TPM1: variants seen among roughly 807,000 people sequenced by gnomAD.
TPM1 encodes tropomyosin 1.
Under a neutral mutation model 42.9 loss-of-function variants are expected in TPM1, and 24 were observed. That is an observed-to-expected ratio of 0.56 (90% CI 0.41 to 0.79). The LOEUF (loss-of-function observed/expected upper bound fraction) is 0.79. Among genes scored for constraint, TPM1 ranks in the 30% least tolerant of loss-of-function variants. TPM1 has a pLI of 0.00. For synonymous variants in TPM1, 136 were observed against 130.1 expected (o/e 1.05, Z -0.31); for missense variants, 158 against 351.8 (o/e 0.45, Z 4.41).
At chr15:63,043,989 AC>A (rs1237764951) in intron 1 of TPM1, 37 bp from the exon 2 acceptor site, 6 of 1,603,984 alleles carry the variant, frequency 3.7e-6, no homozygotes, top group South Asian at 2.2e-5. Flanking sequence ...TGCCTGCTGC[AC>A]CCCCCTCCCT....
chr15:63,059,354 GTTCA>G (rs1451415629), intron 3 of TPM1, among the ~76,000 whole-genome samples: 1 of 152,226 alleles, frequency 6.6e-6, no homozygotes, highest in Non-Finnish European at 1.5e-5. Flanking sequence ...AAGTGAGAGA[GTTCA>G]TTCACAGTGA....
At position 63,064,050 on chromosome 15, in the gene TPM1, C is replaced by T. The variant is rs370544664; in HGVS notation, c.773-14C>T. The T allele has an allele frequency of 6.2e-7, 1 of 1,613,792 alleles. No homozygotes were observed. The highest frequency in any genetic ancestry group is 8.5e-7 in the Non-Finnish European group (1 of 1,180,006). On this transcript the variant is annotated splice_polypyrimidine_tract_variant and intron_variant, in intron 8 of 9. Coordinates refer to ENST00000403994, the MANE Select transcript of TPM1 (RefSeq NM_001018005.2). ...CATGTTCTTGCACCTCTGCCTTCCACTTCCTGGTCATAGACGAGCTGTACG... is the reference window on the plus strand; with the variant it reads ...CATGTTCTTGCACCTCTGCCTTCCATTTCCTGGTCATAGACGAGCTGTACG...
chr15:63,048,999 G>A lies in TPM1; in HGVS notation c.240+4847G>A, dbSNP rs79429774. 430 of 422,908 alleles carry A rather than the reference G, an allele frequency of 1.0e-3. 2 individuals carry two copies. Among genetic ancestry groups the A allele is most frequent in the African/African-American group, 8.6e-3 (399 of 46,656 alleles). The allele number at this position is 422,908 out of a possible 1,614,324, so 26.2% of individuals were successfully genotyped here. On this transcript the variant is annotated intron_variant, in intron 2 of 9. Coordinates refer to ENST00000403994, the MANE Select transcript of TPM1 (RefSeq NM_001018005.2). ...TTTCCCAGGAAGGGTCTGTTTCTGG[G>A]GTGGTGGCTTTCAGTCGTGTCTGTG...
At chr15:63,052,614 T>C (rs2034110763) in intron 2 of TPM1, among the ~76,000 whole-genome samples, 1 of 152,154 alleles carries the variant, frequency 6.6e-6, no homozygotes, top group Admixed American at 6.5e-5. Flanking sequence ...GTCTTGACCC[T>C]CCCCAAATGC....
intron 2 of TPM1, among the ~76,000 whole-genome samples, chr15:63,055,027 T>A (rs191323801): frequency 4.1e-5 from 6 of 147,934 alleles, no homozygotes; most frequent in East Asian, 3.9e-4. Flanking sequence ...GTAATAGTAA[T>A]AAAAAAAAAA....
chr15:63,046,260 G>A (rs1167891806), intron 2 of TPM1: 3 of 152,124 alleles, frequency 2.0e-5, no homozygotes, highest in East Asian at 3.8e-4. Flanking sequence ...GCCCCTCATT[G>A]ACCAAAACAT....
At chr15:63,056,953 C>A in intron 2 of TPM1, 32 bp from the exon 3 acceptor site, 1 of 1,613,880 alleles carries the variant, frequency 6.2e-7, no homozygotes, top group Non-Finnish European at 8.5e-7. Context: ...ACTTTCTCCC[C>A]AACTCTGAAA....
chr15:63,044,449 C>G, intron 2 of TPM1: 5 of 594,932 alleles, frequency 8.4e-6, no homozygotes, highest in Non-Finnish European at 1.5e-5. Context: ...TGAACTTCAC[C>G]TCCCTGGTGG....
rs371273491 is a variant in TPM1, at chr15:63,065,215, A to G, written c.852-681A>G. 17 of 986,156 alleles carry G rather than the reference A, an allele frequency of 1.7e-5. No homozygotes were observed. The African/African-American group carries it at 2.8e-4, about 16-fold the overall frequency. The allele number at this position is 986,156 out of a possible 1,614,324, so 61.1% of individuals were successfully genotyped here. On this transcript the variant is annotated intron_variant, in intron 9 of 9. Transcript: ENST00000403994. ...CATGAGAAGAACCTTGAACAGATAC[A>G]ACTAATTTACATATTACTAACCAAA...
chr15:63,043,620 C>T, intron 1 of TPM1: 2 of 1,529,900 alleles, frequency 1.3e-6, no homozygotes, highest in East Asian at 2.4e-5. Context: ...GCCCGAGGGG[C>T]CCCAGCCAAC....
intron 2 of TPM1, among the ~76,000 whole-genome samples, chr15:63,053,936 C>T (rs952945875): frequency 2.0e-5 from 3 of 152,056 alleles, no homozygotes; most frequent in African/African-American, 7.2e-5. Flanking sequence ...GCCTCGGCCT[C>T]CCAAAGTGCT....
At chr15:63,062,057 C>G (rs2035708058) in intron 6 of TPM1, 158 bp from the exon 7 acceptor site, 1 of 734,934 alleles carries the variant, frequency 1.4e-6, no homozygotes, top group Non-Finnish European at 2.4e-6. Flanking sequence ...GGCAAGAAAG[C>G]AGAGAATGTA....
intron 4 of TPM1, chr15:63,059,971 T>C (rs1596374078): frequency 2.2e-5 from 8 of 356,048 alleles, no homozygotes; most frequent in South Asian, 1.7e-4. Flanking sequence ...GAAGGGAGAG[T>C]TGGGCCCTGT....
rs550511038 is a variant in TPM1 at position 63,048,783 on chromosome 15, TCC to T, written c.240+4638_240+4639del. 4.7e-6 allele frequency: 7 copies of T among 1,481,336 alleles called. No individual in the cohort carries two copies. The South Asian group carries it at 7.5e-5, about 16-fold the overall frequency. 91.8% of individuals were successfully genotyped at this position (1,481,336 alleles called of 1,614,324 possible). On this transcript the variant is annotated intron_variant, in intron 2 of 9. Transcript: ENST00000403994. The stretch of plus-strand genomic sequence containing the variant: ...GGCAGCCCCGCAGGGCCCTCCTGCT[TCC>T]CCCCCCGCAGGCCCCGGTCCCTCGT...
rs757080224 is a variant in TPM1, at chr15:63,065,930, C to T, written c.*31C>T. ...TTTGCTTCACTTCTCCCAAGACTCC[C>T]TCGTCGAGCTGGATGTCCCACCTCT... On this transcript the variant is annotated 3_prime_UTR_variant, in exon 10 of 10. Coordinates refer to ENST00000403994, the MANE Select transcript of TPM1 (RefSeq NM_001018005.2). 4 of 1,609,740 alleles carry T rather than the reference C, an allele frequency of 2.5e-6. No homozygotes were observed. In the African/African-American group the frequency reaches 4.0e-5, roughly 16 times the overall value.
At chr15:63,064,245 T>C in intron 9 of TPM1, 103 bp downstream of exon 9, 1 of 1,550,164 alleles carries the variant, frequency 6.5e-7, no homozygotes. Flanking sequence ...CTTTGCACTC[T>C]TGTGTTCACC....
chr15:63,066,641 T>C (rs2036292201), downstream of TPM1, among the ~76,000 whole-genome samples: 1 of 152,346 alleles, frequency 6.6e-6, no homozygotes, highest in African/African-American at 2.4e-5. Flanking sequence ...ATGTAAGTTT[T>C]GGTTATTGTC....
At chr15:63,065,606 A>C in intron 9 of TPM1, 1 of 985,306 alleles carries the variant, frequency 1.0e-6, no homozygotes, top group South Asian at 4.7e-5. Context: ...AACTTTTTGC[A>C]TCAAGTATGA....
chr15:63,048,852 G>A (rs753674250), intron 2 of TPM1: 1 of 1,141,948 alleles, frequency 8.8e-7, no homozygotes, highest in South Asian at 1.3e-5. Flanking sequence ...TGGGCCAGCT[G>A]GCGGCGGGCT....
Sources: allele counts gnomAD v4.1 joint callset (sites outside exome capture counted in the v4.1 genomes callset), GRCh38; gene constraint gnomAD v4.1.1; transcripts MANE v1.5; gene names NCBI Gene and HGNC (gene_info 2026-07-23, HGNC 2026-07-21).